Variants in TBL1X observed in about 807,000 individuals in gnomAD.
The protein encoded by TBL1X is transducin beta like 1 X-linked.
A neutral mutation model predicts 50.7 loss-of-function variants in TBL1X; 10 were observed. That is an observed-to-expected ratio of 0.20 (90% CI 0.12 to 0.33). The LOEUF (loss-of-function observed/expected upper bound fraction) is 0.33, where lower values mean the gene tolerates loss of function less well. TBL1X is among the 10% of genes least tolerant of loss of function. The pLI, the probability that TBL1X is intolerant of heterozygous loss-of-function variation, is 1.00. For synonymous variants in TBL1X, 190 were observed against 214.7 expected, an observed-to-expected ratio of 0.88 and a Z score of 1.01; for missense variants, 340 against 504.4, an observed-to-expected ratio of 0.67 and a Z score of 3.12.
chrX:9,621,340 T>G (rs778160201), intron 2 of TBL1X, among the ~76,000 whole-genome samples: 15 of 112,098 alleles, frequency 1.3e-4, no homozygotes, highest in Non-Finnish European at 2.1e-4. Flanking sequence ...CAAAATCATT[T>G]AACACCTCCT....
At chrX:9,585,793 T>C (rs1358033938) in intron 2 of TBL1X, among the ~76,000 whole-genome samples, 1 of 111,645 alleles carries the variant, frequency 9.0e-6, no homozygotes, top group Non-Finnish European at 1.9e-5. Context: ...CTTCACTAAT[T>C]ACATGTACGG....
intron 2 of TBL1X, among the ~76,000 whole-genome samples, chrX:9,547,622 G>T (rs1007262649): frequency 1.8e-5 from 2 of 110,880 alleles, no homozygotes; most frequent in African/African-American, 6.6e-5. Context: ...GCCTAGCCTC[G>T]TATCTGTGTC....
intron 5 of TBL1X, among the ~76,000 whole-genome samples, chrX:9,680,973 C>T (rs1444811573): frequency 8.9e-6 from 1 of 112,698 alleles, no homozygotes; most frequent in Non-Finnish European, 1.9e-5. Flanking sequence ...ACTGGTTCAT[C>T]TCTTTGTTCC....
chrX:9,557,672 C>T (rs1176306574), intron 2 of TBL1X, among the ~76,000 whole-genome samples: 3 of 111,068 alleles, frequency 2.7e-5, no homozygotes, highest in Non-Finnish European at 1.9e-5. Flanking sequence ...GGATGCTGGA[C>T]AGGGAGATAT....
At chrX:9,693,051 T>C in intron 9 of TBL1X, 98 bp from the exon 10 acceptor site, 1 of 868,837 alleles carries the variant, frequency 1.2e-6, no homozygotes, top group Non-Finnish European at 1.7e-6. Context: ...GGCAAATGGT[T>C]CCAGTGTACC....
intron 3 of TBL1X, among the ~76,000 whole-genome samples, chrX:9,642,686 A>C (rs1283081352): frequency 8.9e-6 from 1 of 112,297 alleles, no homozygotes; most frequent in Admixed American, 9.4e-5. Context: ...GACTGAGAGC[A>C]GGCTCAGCAA....
At chrX:9,479,578 T>C (rs1601704431) in intron 1 of TBL1X, among the ~76,000 whole-genome samples, 1 of 112,844 alleles carries the variant, frequency 8.9e-6, no homozygotes, top group Non-Finnish European at 1.9e-5. Context: ...AAAGATTATT[T>C]GTAAAGTAAA....
In TBL1X at chrX:9,575,132, A is replaced by G. The variant is rs72612804; in HGVS notation, c.-130-65141A>G. Among the ~76,000 whole-genome samples, 68 of 111,660 alleles carry G rather than the reference A, an allele frequency of 6.1e-4. No homozygotes were observed. In the East Asian group the frequency reaches 0.015, roughly 24 times the overall value. On this transcript the variant is annotated intron_variant, in intron 2 of 17. Transcript: ENST00000645353. ...AGAAGGCGAAGAGGAGGCAAGACACATCTTACCACAGCAAGGCAGGAGAGA... is the reference window on the plus strand; with the variant it reads ...AGAAGGCGAAGAGGAGGCAAGACACGTCTTACCACAGCAAGGCAGGAGAGA...
chrX:9,697,841 C>G (rs996926052), intron 12 of TBL1X, among the ~76,000 whole-genome samples: 1 of 111,751 alleles, frequency 8.9e-6, no homozygotes, highest in Admixed American at 9.5e-5. Context: ...TCCAGCACTT[C>G]GGAAGGCTGA....
intron 2 of TBL1X, among the ~76,000 whole-genome samples, chrX:9,576,027 G>A (rs544696984): frequency 7.2e-5 from 8 of 111,832 alleles, no homozygotes; most frequent in African/African-American, 2.3e-4. Flanking sequence ...TGAACAGTTG[G>A]CTATCAAAGT....
intron 5 of TBL1X, 183 bp from the exon 6 acceptor site, chrX:9,683,860 C>T: frequency 1.7e-6 from 1 of 578,873 alleles, no homozygotes; most frequent in Non-Finnish European, 2.9e-6. Context: ...CCCTCCCTCT[C>T]TCCCTGCCCT....
At chrX:9,710,231 A>G (rs1307166139) in intron 15 of TBL1X, among the ~76,000 whole-genome samples, 14 of 90,170 alleles carry the variant, frequency 1.6e-4, no homozygotes, top group Non-Finnish European at 4.2e-5. Context: ...AAAAAAAAAA[A>G]AAAAACAGAA....
chrX:9,574,261 C>T (rs2082399398), intron 2 of TBL1X, among the ~76,000 whole-genome samples: 1 of 108,600 alleles, frequency 9.2e-6, no homozygotes, highest in African/African-American at 3.4e-5. Context: ...CCAGCCTGGG[C>T]AACATCCTGT....
intron 2 of TBL1X, among the ~76,000 whole-genome samples, chrX:9,522,013 C>CTTT (rs138830348): frequency 1.1e-5 from 1 of 88,100 alleles, no homozygotes; most frequent in Non-Finnish European, 2.3e-5. Context: ...TTCTTCGTTT[C>CTTT]TTTTTTTTTT....
intron 2 of TBL1X, chrX:9,535,050 A>G (rs1263897226): frequency 9.0e-6 from 1 of 111,328 alleles, no homozygotes; most frequent in Non-Finnish European, 1.9e-5. Flanking sequence ...TACTTTTATT[A>G]TTCTTTTTAT....
intron 2 of TBL1X, among the ~76,000 whole-genome samples, chrX:9,629,856 T>C (rs940707694): frequency 9.0e-6 from 1 of 110,730 alleles, no homozygotes; most frequent in Non-Finnish European, 1.9e-5. Flanking sequence ...TACTTCGGGA[T>C]CGCTGATCGC....
At chrX:9,549,709 G>A (rs897000117) in intron 2 of TBL1X, among the ~76,000 whole-genome samples, 1 of 111,656 alleles carries the variant, frequency 9.0e-6, no homozygotes, top group African/African-American at 3.3e-5. Flanking sequence ...TCCTTCCTGG[G>A]CAGGCCCCTT....
chrX:9,628,446 A>C (rs1043159789), intron 2 of TBL1X, among the ~76,000 whole-genome samples: 10 of 112,405 alleles, frequency 8.9e-5, no homozygotes, highest in African/African-American at 3.2e-4. Flanking sequence ...TGTAATTTTA[A>C]TAGCAACTTA....
intron 2 of TBL1X, among the ~76,000 whole-genome samples, chrX:9,535,914 G>A (rs2146977346): frequency 8.9e-6 from 1 of 111,801 alleles, no homozygotes; most frequent in Non-Finnish European, 1.9e-5. Flanking sequence ...AGCATTTTTG[G>A]TTCTGTATCA....
Sources: gnomAD v4.1 joint callset for allele counts (sites outside exome capture counted in the v4.1 genomes callset) on GRCh38, gnomAD v4.1.1 for gene constraint, MANE v1.5 for transcripts, NCBI Gene and HGNC (gene_info 2026-07-23, HGNC 2026-07-21) for gene names.